Variants in TCP11L2 observed in about 807,000 individuals in gnomAD.
TCP11L2 encodes the protein T-complex protein 11-like protein 2.
TCP11L2 carries 39 observed loss-of-function variants against 50.7 expected under a neutral mutation model. The observed-to-expected ratio is 0.77, with a 90% CI of 0.60 to 1.01. The LOEUF is 1.01. Ranked by LOEUF, TCP11L2 falls within the 50% of genes least tolerant of loss-of-function variation. The pLI is 0.00. For synonymous variants in TCP11L2, 192 were observed against 219.3 expected, an observed-to-expected ratio of 0.88 and a Z score of 1.10; for missense variants, 612 against 614.7, an observed-to-expected ratio of 1.00 and a Z score of 0.05.
chr12:106,346,640 T>A lies in TCP11L2; in HGVS notation c.*110T>A. 1 of 1,375,538 alleles carries A rather than the reference T, an allele frequency of 7.3e-7. No homozygotes were observed. The highest frequency in any genetic ancestry group is 1.4e-5 in the South Asian group (1 of 69,560). The allele number at this position is 1,375,538 out of a possible 1,614,324, so 85.2% of individuals were successfully genotyped here. On this transcript the variant is annotated 3_prime_UTR_variant, in exon 10 of 10. Transcript: ENST00000299045. ...ACATTCTCAGTACTGTGGTGCAGTA[T>A]TAGCCCAAATCTGTGTAATGGGTAA... is the stretch of plus-strand genomic sequence containing the variant.
At chr12:106,320,424 A>G (rs1351403932) in intron 4 of TCP11L2, among the ~76,000 whole-genome samples, 3 of 152,156 alleles carry the variant, frequency 2.0e-5, no homozygotes, top group African/African-American at 4.8e-5. Flanking sequence ...AAAGAAAGAA[A>G]AAAGATAGAT....
intron 8 of TCP11L2, among the ~76,000 whole-genome samples, chr12:106,338,397 T>C (rs888538583): frequency 5.3e-5 from 8 of 152,232 alleles, no homozygotes; most frequent in Non-Finnish European, 7.3e-5. Context: ...TTCCCACTTA[T>C]AAGCGAGAAC....
intron 4 of TCP11L2, among the ~76,000 whole-genome samples, chr12:106,319,513 C>T (rs148909843): frequency 6.6e-6 from 1 of 152,326 alleles, no homozygotes; most frequent in Non-Finnish European, 1.5e-5. Flanking sequence ...ATGGACACAG[C>T]TTAGGGTGAT....
In TCP11L2 at chr12:106,336,225, AT is replaced by A; in HGVS notation, c.1142+17del. On this transcript the variant is annotated intron_variant, in intron 8 of 9. Coordinates refer to ENST00000299045, the MANE Select transcript of TCP11L2 (RefSeq NM_152772.3). ...GGCATGAACAAAGAGTAAGTTCCAA[AT>A]TTTTGCATCTGCTCCCTCTTGTATT... The A allele has an allele frequency of 6.3e-7, 1 of 1,599,456 alleles. No homozygotes were observed.
chr12:106,342,858 G>A lies in TCP11L2; in HGVS notation c.1315+1860G>A, dbSNP rs2036128753. ...CTGGCAGAGTGGCCAGAGTGTCAGA[G>A]TGTACTCTGTGACTTTTCTTTGGAT... is the stretch of plus-strand genomic sequence containing the variant. On this transcript the variant is annotated intron_variant, in intron 9 of 9. Coordinates refer to ENST00000299045, the MANE Select transcript of TCP11L2 (RefSeq NM_152772.3). Among the ~76,000 whole-genome samples the A allele has an allele frequency of 2.6e-5, 4 of 152,304 alleles. No homozygotes were observed. In the South Asian group the frequency reaches 8.3e-4, roughly 32 times the overall value.
chr12:106,321,882 C>T (rs2035352143), intron 5 of TCP11L2, among the ~76,000 whole-genome samples, 176 bp downstream of exon 5: 1 of 152,170 alleles, frequency 6.6e-6, no homozygotes, highest in South Asian at 2.1e-4. Context: ...AGAGTTTTCA[C>T]ATAGAATGAT....
intron 6 of TCP11L2, among the ~76,000 whole-genome samples, chr12:106,331,901 C>T (rs2035759035): frequency 6.6e-6 from 1 of 152,262 alleles, no homozygotes; most frequent in South Asian, 2.1e-4. Context: ...CCCAGTCAAG[C>T]TGCTTCTTCA....
intron 6 of TCP11L2, among the ~76,000 whole-genome samples, chr12:106,327,043 T>C (rs1370883159): frequency 2.6e-5 from 4 of 152,248 alleles, no homozygotes; most frequent in African/African-American, 9.6e-5. Context: ...TGTACCTGTG[T>C]ATGTAAGCAC....
intron 3 of TCP11L2, 124 bp from the exon 4 acceptor site, chr12:106,318,220 G>T: frequency 8.9e-7 from 1 of 1,126,162 alleles, no homozygotes; most frequent in Non-Finnish European, 1.2e-6. Flanking sequence ...AAAGATTAAT[G>T]GATTAAGGAC....
At chr12:106,319,010 C>T (rs1479908499) in intron 4 of TCP11L2, among the ~76,000 whole-genome samples, 1 of 152,000 alleles carries the variant, frequency 6.6e-6, no homozygotes, top group African/African-American at 2.4e-5. Flanking sequence ...TTCCCGGGTT[C>T]ACGCCATTCT....
At chr12:106,340,375 C>T (rs1172731952) in intron 8 of TCP11L2, among the ~76,000 whole-genome samples, 1 of 152,164 alleles carries the variant, frequency 6.6e-6, no homozygotes, top group Non-Finnish European at 1.5e-5. Flanking sequence ...TGAATATCTT[C>T]ATTTGTTGTT....
upstream of TCP11L2, among the ~76,000 whole-genome samples, chr12:106,298,997 G>A (rs370553556): frequency 1.0e-3 from 159 of 152,054 alleles, 4 homozygotes; most frequent in East Asian, 0.018. Context: ...TTTGTATTTA[G>A]TAGAGACAGG....
intron 1 of TCP11L2, among the ~76,000 whole-genome samples, chr12:106,304,568 T>G (rs1289761628): frequency 6.6e-6 from 1 of 152,272 alleles, no homozygotes; most frequent in Non-Finnish European, 1.5e-5. Flanking sequence ...TTTTTTTCTT[T>G]AGAGCCCAGA....
At chr12:106,310,988 G>T in intron 1 of TCP11L2, 53 bp from the exon 2 acceptor site, 1 of 1,449,028 alleles carries the variant, frequency 6.9e-7, no homozygotes, top group Non-Finnish European at 9.5e-7. Context: ...AGCATTGGTG[G>T]TGCCTGTGGA....
rs1238150458 is a variant in TCP11L2 at position 106,335,738 on chromosome 12, C to T, written c.872C>T (p.Ser291Phe). Reference protein sequence around the residue: ...SALTPGAENTSKPSLSPTLVL... With the variant: ...SALTPGAENTFKPSLSPTLVL... Reference sequence around the variant, plus strand: ...TTAACTCCTGGGGCCGAAAATACCTCCAAGCCAAGCCTGAGCCCTACTTTG... The same window carrying T: ...TTAACTCCTGGGGCCGAAAATACCTTCAAGCCAAGCCTGAGCCCTACTTTG... The change falls in exon 7 of 10, where the codon TCC (serine) becomes TTC (phenylalanine). Residue 291 changes from serine to phenylalanine, a missense_variant. Coordinates refer to ENST00000299045, the MANE Select transcript of TCP11L2 (RefSeq NM_152772.3). 1.2e-6 allele frequency: 2 copies of T among 1,614,188 alleles called. No homozygotes were observed. Among genetic ancestry groups the T allele is most frequent in the East Asian group, 2.2e-5 (1 of 44,888 alleles).
chr12:106,317,859 C>T (rs2035159865), intron 3 of TCP11L2, among the ~76,000 whole-genome samples: 1 of 152,226 alleles, frequency 6.6e-6, no homozygotes, highest in African/African-American at 2.4e-5. Flanking sequence ...GCTTCTATTT[C>T]ACCAGTTTGG....
chr12:106,299,002 G>A (rs956284257), upstream of TCP11L2, among the ~76,000 whole-genome samples: 1 of 152,000 alleles, frequency 6.6e-6, no homozygotes, highest in Non-Finnish European at 1.5e-5. Context: ...ATTTAGTAGA[G>A]ACAGGGTTTC....
At chr12:106,315,175 T>G (rs2136660346) in intron 3 of TCP11L2, among the ~76,000 whole-genome samples, 1 of 151,968 alleles carries the variant, frequency 6.6e-6, no homozygotes, top group South Asian at 2.1e-4. Context: ...GGTGGAGGTT[T>G]CAGTGAGCCG....
intron 9 of TCP11L2, among the ~76,000 whole-genome samples, chr12:106,342,180 G>T (rs546342145): frequency 6.6e-6 from 1 of 152,058 alleles, no homozygotes; most frequent in African/African-American, 2.4e-5. Flanking sequence ...CAACATTGAC[G>T]GCCTTAAGAA....
Sources: gnomAD v4.1 joint callset for allele counts (sites outside exome capture counted in the v4.1 genomes callset) on GRCh38, gnomAD v4.1.1 for gene constraint, MANE v1.5 for transcripts, NCBI Gene and HGNC (gene_info 2026-07-23, HGNC 2026-07-21) for gene names.